The following MYO1D variants were observed in gnomAD, a reference collection of about 807,000 sequenced individuals.
MYO1D encodes myosin ID.
MYO1D carries 83 observed loss-of-function variants against 122.0 expected under a neutral mutation model. The ratio of observed to expected loss-of-function variants is 0.68; its 90% CI spans 0.57 to 0.82. The LOEUF (loss-of-function observed/expected upper bound fraction) is 0.82. MYO1D is among the 40% of genes least tolerant of loss of function. MYO1D has a pLI of 0.00. For missense variants in MYO1D, 1,157 were observed against 1,269.5 expected, an observed-to-expected ratio of 0.91 and a Z score of 1.35; for synonymous variants, 464 against 446.9, an observed-to-expected ratio of 1.04 and a Z score of -0.48.
At chr17:32,722,000 T>C (rs944793119) in intron 14 of MYO1D, among the ~76,000 whole-genome samples, 4 of 152,220 alleles carry the variant, frequency 2.6e-5, no homozygotes, top group Non-Finnish European at 5.9e-5. Context: ...AGATGCACTT[T>C]GATTAAGATA....
intron 16 of MYO1D, among the ~76,000 whole-genome samples, chr17:32,706,665 A>G (rs1295080148): frequency 6.6e-6 from 1 of 152,196 alleles, no homozygotes; most frequent in Non-Finnish European, 1.5e-5. Flanking sequence ...TTCGCCTGGG[A>G]CAAAATCATG....
intron 1 of MYO1D, among the ~76,000 whole-genome samples, chr17:32,837,085 A>G (rs2090833292): frequency 6.6e-6 from 1 of 151,876 alleles, no homozygotes; most frequent in Non-Finnish European, 1.5e-5. Context: ...CTGAATCCTC[A>G]CCAATATTTG....
intron 21 of MYO1D, among the ~76,000 whole-genome samples, chr17:32,514,239 CAAAAAAAAAAAAAAAAA>C (rs61570449): frequency 6.6e-5 from 4 of 60,286 alleles, no homozygotes; most frequent in East Asian, 6.5e-4. Context: ...GACTTTGTCT[CAAAAAAAAAAAAAAAAA>C]AAAAAAAAAA....
intron 10 of MYO1D, among the ~76,000 whole-genome samples, chr17:32,759,184 T>C (rs1475889343): frequency 6.6e-6 from 1 of 152,146 alleles, no homozygotes; most frequent in Non-Finnish European, 1.5e-5. Flanking sequence ...AGTCAAACTA[T>C]AGATAATTCT....
At chr17:32,814,324 C>A (rs1337113774) in intron 1 of MYO1D, among the ~76,000 whole-genome samples, 1 of 152,182 alleles carries the variant, frequency 6.6e-6, no homozygotes, top group African/African-American at 2.4e-5. Flanking sequence ...AGCCTGGCGA[C>A]AGAGCAAGAC....
At chr17:32,590,947 G>C (rs867686934) in intron 21 of MYO1D, among the ~76,000 whole-genome samples, 1 of 152,190 alleles carries the variant, frequency 6.6e-6, no homozygotes, top group Non-Finnish European at 1.5e-5. Context: ...ATGATGAAAA[G>C]ATCAGTTTTC....
At chr17:32,662,503 T>G (rs1655049891) in intron 16 of MYO1D, among the ~76,000 whole-genome samples, 1 of 152,118 alleles carries the variant, frequency 6.6e-6, no homozygotes, top group South Asian at 2.1e-4. Context: ...AAACCCCGTC[T>G]CTACTAAAAA....
chr17:32,850,519 G>C (rs1444342790), intron 1 of MYO1D, among the ~76,000 whole-genome samples: 1 of 152,114 alleles, frequency 6.6e-6, no homozygotes, highest in Non-Finnish European at 1.5e-5. Context: ...AAATGTCTGA[G>C]CAGTATAAAA....
At chr17:32,725,547 G>GA (rs907306984) in intron 14 of MYO1D, among the ~76,000 whole-genome samples, 26 of 145,896 alleles carry the variant, frequency 1.8e-4, no homozygotes, top group East Asian at 1.2e-3. Context: ...AATAGGTGAA[G>GA]AAAAAAAAAA....
intron 21 of MYO1D, among the ~76,000 whole-genome samples, chr17:32,550,734 G>A (rs2087006845): frequency 6.6e-6 from 1 of 152,182 alleles, no homozygotes; most frequent in Non-Finnish European, 1.5e-5. Context: ...TGTGGCTCAG[G>A]CCTGAAATCC....
At chr17:32,584,383 T>C (rs2087367879) in intron 21 of MYO1D, among the ~76,000 whole-genome samples, 1 of 152,188 alleles carries the variant, frequency 6.6e-6, no homozygotes, top group Non-Finnish European at 1.5e-5. Context: ...CTGGTTTCTA[T>C]GATGCTGGCC....
intron 21 of MYO1D, among the ~76,000 whole-genome samples, chr17:32,581,592 G>A (rs556193137): frequency 1.4e-4 from 19 of 137,940 alleles, no homozygotes; most frequent in Middle Eastern, 3.6e-3. Context: ...TTTTTTTCCC[G>A]ACAGGGCCTC....
intron 2 of MYO1D, among the ~76,000 whole-genome samples, chr17:32,778,889 C>T (rs188264222): frequency 2.0e-5 from 3 of 152,194 alleles, no homozygotes; most frequent in African/African-American, 7.2e-5. Context: ...TTGGTAGGGA[C>T]TCATAAGTCT....
intron 1 of MYO1D, among the ~76,000 whole-genome samples, chr17:32,861,975 G>A (rs577774996): frequency 1.3e-5 from 2 of 152,254 alleles, no homozygotes; most frequent in Non-Finnish European, 2.9e-5. Flanking sequence ...CTGAGATTGT[G>A]CCACTGCACT....
At chr17:32,674,206 T>C (rs1189655672) in intron 16 of MYO1D, among the ~76,000 whole-genome samples, 1 of 151,812 alleles carries the variant, frequency 6.6e-6, no homozygotes, top group Non-Finnish European at 1.5e-5. Flanking sequence ...GAGGCAAGCA[T>C]TTCCCACCAA....
intron 14 of MYO1D, among the ~76,000 whole-genome samples, chr17:32,732,859 C>T (rs562627388): frequency 2.0e-5 from 3 of 152,218 alleles, no homozygotes; most frequent in African/African-American, 7.2e-5. Context: ...AGGAGCTCCC[C>T]AAGCCAGGGC....
At chr17:32,821,696 G>GT (rs35248996) in intron 1 of MYO1D, among the ~76,000 whole-genome samples, 3 of 152,220 alleles carry the variant, frequency 2.0e-5, no homozygotes, top group African/African-American at 7.2e-5. Context: ...GGGGGGAAAA[G>GT]TTTTTTCAGG....
At chr17:32,819,316 G>T (rs1167367324) in intron 1 of MYO1D, among the ~76,000 whole-genome samples, 1 of 152,050 alleles carries the variant, frequency 6.6e-6, no homozygotes, top group Non-Finnish European at 1.5e-5. Context: ...GATCTCACAG[G>T]AATTCTGGGG....
At chr17:32,766,619 C>T (rs1002248393) in intron 7 of MYO1D, among the ~76,000 whole-genome samples, 14 of 151,974 alleles carry the variant, frequency 9.2e-5, no homozygotes, top group South Asian at 4.2e-4. Context: ...GGTGAAACCC[C>T]GTCTCTACTA....
Sources: gnomAD v4.1 joint callset for allele counts (sites outside exome capture counted in the v4.1 genomes callset) on GRCh38, gnomAD v4.1.1 for gene constraint, MANE v1.5 for transcripts, NCBI Gene and HGNC (gene_info 2026-07-23, HGNC 2026-07-21) for gene names.